TJAP1: variants seen among roughly 807,000 people sequenced by gnomAD.
The protein encoded by TJAP1 is tight junction associated protein 1, also known as tight junction-associated protein 1.
In TJAP1, 27 loss-of-function variants were observed where a neutral mutation model predicts 42.0. The observed-to-expected ratio is 0.64, with a 90% confidence interval of 0.47 to 0.89. TJAP1 has a LOEUF of 0.89. TJAP1 is among the 40% of genes least tolerant of loss of function. The pLI is 0.00. For missense variants in TJAP1, 712 were observed against 726.9 expected, an observed-to-expected ratio of 0.98 and a Z score of 0.24; for synonymous variants, 257 against 288.4, an observed-to-expected ratio of 0.89 and a Z score of 1.10.
chr6:43,500,836 A>G, intron 5 of TJAP1, 64 bp downstream of exon 5: 1 of 1,588,448 alleles, frequency 6.3e-7, no homozygotes, highest in Non-Finnish European at 8.6e-7. Flanking sequence ...TCCAGGCTAG[A>G]CTGTTGGTAC....
At chr6:43,501,745 CACACACACACACACTCTCTCT>C (rs1450311800) in intron 6 of TJAP1, 58 bp downstream of exon 6, 110 of 694,596 alleles carry the variant, frequency 1.6e-4, no homozygotes, top group Non-Finnish European at 2.5e-4. Flanking sequence ...CACACACACA[CACACACACACACACTCTCTCT>C]GTCTCTCTCT....
At chr6:43,487,512 G>A (rs1488418237) in intron 2 of TJAP1, among the ~76,000 whole-genome samples, 1 of 152,012 alleles carries the variant, frequency 6.6e-6, no homozygotes, top group East Asian at 1.9e-4. Flanking sequence ...ACTGGGTTAT[G>A]TCCCACTTCT....
chr6:43,501,027 T>C (rs947198417), intron 5 of TJAP1: 1 of 529,194 alleles, frequency 1.9e-6, no homozygotes, highest in African/African-American at 1.9e-5. Context: ...CTCTTCTTGC[T>C]AAGGAGCCCT....
At chr6:43,487,973 G>C (rs746968367) in intron 2 of TJAP1, among the ~76,000 whole-genome samples, 1 of 151,610 alleles carries the variant, frequency 6.6e-6, no homozygotes, top group Non-Finnish European at 1.5e-5. Context: ...AGGTTCAAGC[G>C]ATTCTCCTGC....
Position 43,495,190 on chromosome 6 carries a change from C to T in TJAP1, c.-121-2691C>T, listed in dbSNP as rs974879879. On this transcript the variant is annotated intron_variant, in intron 2 of 10. Coordinates refer to ENST00000372449, the Ensembl canonical transcript of TJAP1. This position sits in a 1 kb window ranked among gnomAD's most constrained non-coding sequence, Gnocchi z 4.6. ...GAGGGACCACTCTGATGCCATCTGC[C>T]TCACCCCTTTACCTTCTCCCAGCTT... Among the ~76,000 whole-genome samples the T allele has an allele frequency of 2.0e-5, 3 of 152,202 alleles. No individual in the cohort carries two copies. The highest frequency in any genetic ancestry group is 6.5e-5 in the Admixed American group (1 of 15,282).
intron 2 of TJAP1, among the ~76,000 whole-genome samples, chr6:43,486,605 C>G (rs1406924422): frequency 6.6e-6 from 1 of 152,132 alleles, no homozygotes; most frequent in Non-Finnish European, 1.5e-5. Flanking sequence ...ATCCACCGGC[C>G]TCAGCCTCCC....
In TJAP1 at chr6:43,505,118, C is replaced by G; in HGVS notation, c.937C>G (p.Leu313Val). The change falls in exon 11 of 11, where the codon CTG (leucine) becomes GTG (valine). Residue 313 changes from leucine (L) to valine (V), a missense_variant. Leu to Val is a conservative substitution (Grantham distance 32). This residue lies in a region of TJAP1 where 549 missense variants were observed against 528.2 expected (regional missense o/e 1.04). Coordinates refer to ENST00000372449, the Ensembl canonical transcript of TJAP1. This position sits in a 1 kb window ranked among gnomAD's most constrained non-coding sequence, Gnocchi z 5.5. Reference sequence around the variant, plus strand: ...GCTGCCCCTGCCAGCCTTTGAGAAGCTGAACCCCTACCCAACCCCGTCTCC... The same window carrying G: ...GCTGCCCCTGCCAGCCTTTGAGAAGGTGAACCCCTACCCAACCCCGTCTCC... The G allele has an allele frequency of 1.2e-6, 2 of 1,614,180 alleles. No homozygotes were observed. The highest frequency in any genetic ancestry group is 1.7e-6 in the Non-Finnish European group (2 of 1,180,020).
exon 6 of TJAP1, chr6:43,501,621 A>G (rs770945294): frequency 1.2e-6 from 2 of 1,609,948 alleles, no homozygotes; most frequent in Non-Finnish European, 8.5e-7. Flanking sequence ...ATTGGGCAGG[A>G]CTGCCTGGAG....
intron 2 of TJAP1, among the ~76,000 whole-genome samples, chr6:43,488,503 G>C (rs1412898883): frequency 2.0e-5 from 3 of 152,212 alleles, no homozygotes; most frequent in African/African-American, 7.2e-5. Context: ...GTGGGCATTG[G>C]CACTCCCATC....
At chr6:43,479,332 G>C (rs892034940) in intron 2 of TJAP1, among the ~76,000 whole-genome samples, 4 of 152,300 alleles carry the variant, frequency 2.6e-5, no homozygotes, top group South Asian at 2.1e-4. Flanking sequence ...ACTGTTACTA[G>C]GTCAGCTTCA....
exon 11 of TJAP1, chr6:43,506,104 T>C: frequency 5.3e-6 from 2 of 375,214 alleles, no homozygotes; most frequent in Non-Finnish European, 9.4e-6. Context: ...TAACATGCAG[T>C]TGGGTCTCAA....
At chr6:43,493,831 TC>T (rs1232790691) in intron 2 of TJAP1, among the ~76,000 whole-genome samples, 2 of 152,110 alleles carry the variant, frequency 1.3e-5, no homozygotes, top group African/African-American at 4.8e-5. Flanking sequence ...ACAGCAATCT[TC>T]CACCACGGTG....
chr6:43,486,521 A>C (rs965752601), intron 2 of TJAP1, among the ~76,000 whole-genome samples: 3 of 148,698 alleles, frequency 2.0e-5, no homozygotes, highest in Non-Finnish European at 4.5e-5. Flanking sequence ...ATGCCCGGCT[A>C]ATTTTTGTGT....
At chr6:43,502,474 G>A (rs1791154704) in intron 7 of TJAP1, 114 bp from the exon 8 acceptor site, 1 of 1,480,024 alleles carries the variant, frequency 6.8e-7, no homozygotes, top group Non-Finnish European at 9.2e-7. Flanking sequence ...GGGCAGTGGT[G>A]GGGGTACTGC....
exon 11 of TJAP1, chr6:43,506,021 C>A: frequency 1.7e-6 from 1 of 597,406 alleles, no homozygotes; most frequent in Non-Finnish European, 2.5e-6. Context: ...CCAGGCCTGT[C>A]AGCTGCGTTG....
chr6:43,479,520 A>G (rs1486516777), intron 2 of TJAP1, among the ~76,000 whole-genome samples: 1 of 152,218 alleles, frequency 6.6e-6, no homozygotes, highest in East Asian at 1.9e-4. Context: ...AGCCCGGCCT[A>G]GTGGCACATA....
chr6:43,487,207 C>T (rs760499480), intron 2 of TJAP1, among the ~76,000 whole-genome samples: 11 of 152,102 alleles, frequency 7.2e-5, no homozygotes, highest in Non-Finnish European at 1.5e-4. Context: ...AGCTTCTGTG[C>T]TGTGGTGGGG....
intron 2 of TJAP1, among the ~76,000 whole-genome samples, chr6:43,496,239 G>A (rs941054879): frequency 6.6e-6 from 1 of 152,026 alleles, no homozygotes; most frequent in Non-Finnish European, 1.5e-5. Flanking sequence ...TCCAACTCAC[G>A]CACCCCACAC....
intron 2 of TJAP1, among the ~76,000 whole-genome samples, chr6:43,485,622 A>C (rs1244940635): frequency 6.6e-6 from 1 of 152,176 alleles, no homozygotes; most frequent in Non-Finnish European, 1.5e-5. Flanking sequence ...CTGTACTGGA[A>C]GTGACTGTTA....
Sources: gnomAD v4.1 joint callset for allele counts (sites outside exome capture counted in the v4.1 genomes callset) on GRCh38, gnomAD v4.1.1 for gene constraint, gnomAD v4.1.1 regional missense constraint, Gnocchi (gnomAD v3.1) non-coding constraint, MANE v1.5 for transcripts, NCBI Gene and HGNC (gene_info 2026-07-23, HGNC 2026-07-21) for gene names.